Variants in LDLRAD4 observed in about 807,000 individuals in gnomAD.
LDLRAD4 encodes the protein low-density lipoprotein receptor class A domain-containing protein 4.
In LDLRAD4, 5 loss-of-function variants were observed where a neutral mutation model predicts 17.0. The ratio of observed to expected loss-of-function variants is 0.29; its 90% CI spans 0.15 to 0.62. The LOEUF (loss-of-function observed/expected upper bound fraction) is 0.62. Among genes scored for constraint, LDLRAD4 ranks in the 20% least tolerant of loss-of-function variants. LDLRAD4 has a pLI of 0.84. For synonymous variants in LDLRAD4, 168 were observed against 171.8 expected, an observed-to-expected ratio of 0.98 and a Z score of 0.17; for missense variants, 340 against 424.7, an observed-to-expected ratio of 0.80 and a Z score of 1.75.
At position 13,337,998 on chromosome 18, in the gene LDLRAD4, A is replaced by G. The variant is rs1202063044; in HGVS notation, c.-382-49343A>G. ...TTTGTTATAGAGGTAGATGTATTTG[A>G]GTAGCAAGTTATGGTTACAGAAAAT... On this transcript the variant is annotated intron_variant, in intron 1 of 5. Coordinates refer to ENST00000359446, the Ensembl canonical transcript of LDLRAD4. 4.6e-5 allele frequency among the ~76,000 whole-genome samples: 7 copies of G among 152,244 alleles called. No individual in the cohort carries two copies. In the East Asian group the frequency reaches 1.3e-3, roughly 29 times the overall value.
intron 1 of LDLRAD4, among the ~76,000 whole-genome samples, chr18:13,328,198 A>G (rs2081637957): frequency 6.6e-6 from 1 of 152,228 alleles, no homozygotes; most frequent in African/African-American, 2.4e-5. Context: ...GAGGAGGCTC[A>G]GTGAGGGTTC....
At chr18:13,443,580 G>A (rs2091175935) in intron 3 of LDLRAD4, among the ~76,000 whole-genome samples, 2 of 152,142 alleles carry the variant, frequency 1.3e-5, no homozygotes, top group South Asian at 4.2e-4. Flanking sequence ...TTTATCATTT[G>A]TTTGCACCAG....
chr18:13,621,118 G>C lies in LDLRAD4; in HGVS notation c.183G>C (p.Ser61=). The change falls in exon 4 of 6, where the codon TCG becomes TCC. Residue 61 remains serine, a splice_region_variant and synonymous_variant. Transcript: ENST00000359446. The surrounding 1 kb of genome is among the most constrained non-coding windows in gnomAD (Gnocchi z 5.5). Reference sequence around the variant, plus strand: ...AACCACTCTCCTCTTCCATGGCAGCGGAGCTGGAGTTCGCCCAAATCATCA... The same window carrying C: ...AACCACTCTCCTCTTCCATGGCAGCCGAGCTGGAGTTCGCCCAAATCATCA... The C allele has an allele frequency of 6.2e-7, 1 of 1,614,236 alleles. No homozygotes were observed. The highest frequency in any genetic ancestry group is 1.1e-5 in the South Asian group (1 of 91,084).
At position 13,590,396 on chromosome 18, in the gene LDLRAD4, G is replaced by A. The variant is rs139049576; in HGVS notation, c.182-30721G>A. On this transcript the variant is annotated intron_variant, in intron 3 of 5. Coordinates refer to ENST00000359446, the Ensembl canonical transcript of LDLRAD4. ...GTGTTGTGTGTGTGCGCCTGCACAC[G>A]GAGAGCCCACTCATACGTAGCAGAA... Among the ~76,000 whole-genome samples the A allele has an allele frequency of 7.1e-4, 108 of 152,178 alleles. No homozygotes were observed. In the East Asian group the frequency reaches 0.02, roughly 27 times the overall value.
intron 3 of LDLRAD4, among the ~76,000 whole-genome samples, chr18:13,445,766 G>GGT (rs919803347): frequency 5.2e-4 from 77 of 147,806 alleles, no homozygotes; most frequent in East Asian, 3.4e-3. Context: ...TGCATGTGTG[G>GGT]GTGTGTGTGT....
At chr18:13,500,202 C>G (rs575893817) in intron 3 of LDLRAD4, among the ~76,000 whole-genome samples, 5 of 152,072 alleles carry the variant, frequency 3.3e-5, no homozygotes, top group Admixed American at 2.0e-4. Context: ...CTGTGCAGAC[C>G]CTCTCAGCAG....
At chr18:13,495,367 A>G (rs931155019) in intron 3 of LDLRAD4, among the ~76,000 whole-genome samples, 2 of 152,188 alleles carry the variant, frequency 1.3e-5, no homozygotes, top group African/African-American at 2.4e-5. Flanking sequence ...AGGGCTTAAA[A>G]TGCTACAAAC....
At chr18:13,255,239 G>T (rs1335644418) in intron 1 of LDLRAD4, among the ~76,000 whole-genome samples, 1 of 152,146 alleles carries the variant, frequency 6.6e-6, no homozygotes, top group African/African-American at 2.4e-5. Context: ...GGTGCTGTTG[G>T]ATACACAGTG....
chr18:13,577,814 G>GA, intron 3 of LDLRAD4, among the ~76,000 whole-genome samples: 1 of 152,308 alleles, frequency 6.6e-6, no homozygotes. Flanking sequence ...CAGGTTGCCT[G>GA]AAAATGGACT....
chr18:13,570,225 C>T (rs534689652), intron 3 of LDLRAD4, among the ~76,000 whole-genome samples: 17 of 152,212 alleles, frequency 1.1e-4, no homozygotes, highest in Non-Finnish European at 1.5e-4. Flanking sequence ...TCGTCTGGGA[C>T]GGTCTGCACC....
intron 1 of LDLRAD4, among the ~76,000 whole-genome samples, chr18:13,230,969 G>A (rs1430470587): frequency 6.6e-6 from 1 of 152,188 alleles, no homozygotes; most frequent in African/African-American, 2.4e-5. Flanking sequence ...TTCCTTAGGA[G>A]GGTGAGATTA....
chr18:13,329,891 T>G (rs1406115252), intron 1 of LDLRAD4, among the ~76,000 whole-genome samples: 3 of 152,216 alleles, frequency 2.0e-5, no homozygotes, highest in Non-Finnish European at 4.4e-5. Flanking sequence ...CCATTATTCT[T>G]TTAATTAGTC....
At chr18:13,590,649 T>A (rs1271478586) in intron 3 of LDLRAD4, among the ~76,000 whole-genome samples, 3 of 152,230 alleles carry the variant, frequency 2.0e-5, no homozygotes, top group Admixed American at 2.0e-4. Flanking sequence ...CTGACAAGGC[T>A]ACATCTTGTT....
intron 3 of LDLRAD4, among the ~76,000 whole-genome samples, chr18:13,444,347 G>A (rs910711640): frequency 1.3e-5 from 2 of 152,192 alleles, no homozygotes; most frequent in African/African-American, 2.4e-5. Flanking sequence ...CAGGGGCTAA[G>A]CCCTCTCCCC....
At chr18:13,315,170 G>A (rs113171526) in intron 1 of LDLRAD4, among the ~76,000 whole-genome samples, 2,439 of 152,192 alleles carry the variant, frequency 0.016, 66 homozygotes, top group African/African-American at 0.056. Flanking sequence ...ACAAAAGACC[G>A]GGACTCAGCC....
intron 1 of LDLRAD4, among the ~76,000 whole-genome samples, chr18:13,266,932 G>A (rs761872116): frequency 6.6e-6 from 1 of 152,234 alleles, no homozygotes; most frequent in Non-Finnish European, 1.5e-5. Context: ...AATCTTTTAC[G>A]TCGACTGAAG....
At position 13,417,738 on chromosome 18, in the gene LDLRAD4, T is replaced by C. The variant is rs542643499; in HGVS notation, c.41-20506T>C. 2.6e-5 allele frequency among the ~76,000 whole-genome samples: 4 copies of C among 152,296 alleles called. No individual in the cohort carries two copies. In the East Asian group the frequency reaches 7.7e-4, roughly 29 times the overall value. The stretch of plus-strand genomic sequence containing the variant: ...CGTGAGCCACCACGCCCAGCCAGTT[T>C]GCTGTTTTTCAAACTACATAATCAT... On this transcript the variant is annotated intron_variant, in intron 2 of 5. Coordinates refer to ENST00000359446, the Ensembl canonical transcript of LDLRAD4.
chr18:13,349,254 A>G (rs972623692), intron 1 of LDLRAD4, among the ~76,000 whole-genome samples: 1 of 152,244 alleles, frequency 6.6e-6, no homozygotes, highest in Non-Finnish European at 1.5e-5. Flanking sequence ...ATTTAATATC[A>G]ATGTCATACA....
intron 3 of LDLRAD4, among the ~76,000 whole-genome samples, chr18:13,512,654 T>C (rs1450705784): frequency 6.6e-6 from 1 of 152,254 alleles, no homozygotes; most frequent in African/African-American, 2.4e-5. Context: ...TAATGACTAC[T>C]GCATTTAATT....
Sources: allele counts gnomAD v4.1 joint callset (sites outside exome capture counted in the v4.1 genomes callset), GRCh38; gene constraint gnomAD v4.1.1; non-coding constraint Gnocchi (gnomAD v3.1); transcripts MANE v1.5; gene names NCBI Gene and HGNC (gene_info 2026-07-23, HGNC 2026-07-21).